Variants in DDX54 observed in about 807,000 individuals in gnomAD.
The protein encoded by DDX54 is ATP-dependent RNA helicase DDX54.
Under a neutral mutation model 105.5 loss-of-function variants are expected in DDX54, and 67 were observed. That is an observed-to-expected ratio of 0.64 (90% confidence interval 0.52 to 0.78). DDX54 has a LOEUF of 0.78. DDX54 is among the 30% of genes least tolerant of loss of function. The pLI, the probability that DDX54 is intolerant of heterozygous loss-of-function variation, is 0.00. For missense variants in DDX54, 1,206 were observed against 1,230.5 expected (o/e 0.98, Z 0.30); for synonymous variants, 514 against 509.9 (o/e 1.01, Z -0.11).
rs1268094255 is a variant in DDX54 at position 113,173,591 on chromosome 12, G to A, written c.1069-1028C>T. ...TTTGACCCAGGCGGGGGTCACACAG[G>A]CATAACACATATGAAAAAAATCTTT... On this transcript the variant is annotated intron_variant, in intron 10 of 19. Coordinates refer to ENST00000306014, the MANE Select transcript of DDX54 (RefSeq NM_024072.4). Among the ~76,000 whole-genome samples, 3 of 152,092 alleles carry A rather than the reference G, an allele frequency of 2.0e-5. No homozygotes were observed. The East Asian group carries it at 5.8e-4, about 29-fold the overall frequency.
At chr12:113,168,667 A>G (rs903845150) in intron 12 of DDX54, among the ~76,000 whole-genome samples, 2 of 152,232 alleles carry the variant, frequency 1.3e-5, no homozygotes, top group African/African-American at 2.4e-5. Context: ...ACAGTGGCTC[A>G]CGCCTGTAAT....
chr12:113,172,710 T>C lies in DDX54; in HGVS notation c.1069-147A>G, dbSNP rs140283462. 1,104 of 972,736 alleles carry C rather than the reference T, an allele frequency of 1.1e-3. 9 individuals are homozygous for C. In the African/African-American group the frequency reaches 0.014, roughly 13 times the overall value. The allele number at this position is 972,736 out of a possible 1,614,324, so 60.3% of individuals were successfully genotyped here. ...TGGCACCCTTGGTCTGAATCCCAGCTTGCTGGGTGATGCCAGTTTGGGGAG... is the reference window on the plus strand; with the variant it reads ...TGGCACCCTTGGTCTGAATCCCAGCCTGCTGGGTGATGCCAGTTTGGGGAG... On this transcript the variant is annotated intron_variant, in intron 10 of 19. Coordinates refer to ENST00000306014, the MANE Select transcript of DDX54 (RefSeq NM_024072.4).
At chr12:113,181,589 G>A (rs1952469005) in intron 1 of DDX54, among the ~76,000 whole-genome samples, 1 of 151,844 alleles carries the variant, frequency 6.6e-6, no homozygotes, top group Non-Finnish European at 1.5e-5. Flanking sequence ...GGGATTACAG[G>A]CATGAACCAC....
At chr12:113,162,217 G>A (rs1370509097) in intron 17 of DDX54, among the ~76,000 whole-genome samples, 1 of 152,086 alleles carries the variant, frequency 6.6e-6, no homozygotes, top group Non-Finnish European at 1.5e-5. Context: ...AGGGAGTGCG[G>A]AGGTCAGAGG....
rs545528023 is a variant in DDX54 at position 113,165,918 on chromosome 12, C to T, written c.1529G>A (p.Arg510His). The T allele has an allele frequency of 2.0e-5, 33 of 1,613,670 alleles. No individual in the cohort carries two copies. The highest frequency in any genetic ancestry group is 3.3e-5 in the South Asian group (3 of 91,090). The change falls in exon 13 of 20, where the codon CGC becomes CAC. Residue 510 changes from arginine to histidine, a missense_variant. Around this residue, in one of 3 missense-constraint regions of DDX54, gnomAD observed 961 missense variants for 1,019.1 expected, o/e 0.94. Transcript: ENST00000306014. ...EASLELRGLARVADNAQQQYV... is the reference protein window; with the variant it reads ...EASLELRGLAHVADNAQQQYV... The stretch of plus-strand genomic sequence containing the variant: ...CTGCTGCTGGGCGTTATCAGCAACG[C>T]GGGCCAGGCCCCGTAGCTCCAGCGA...
intron 1 of DDX54, among the ~76,000 whole-genome samples, chr12:113,182,943 G>C (rs1277344582): frequency 6.9e-6 from 1 of 145,366 alleles, no homozygotes; most frequent in South Asian, 2.2e-4. Context: ...GGGCAATCAC[G>C]GCTCACCTAG....
At chr12:113,164,737 CAG>C (rs963914982) in intron 14 of DDX54, among the ~76,000 whole-genome samples, 8 of 148,396 alleles carry the variant, frequency 5.4e-5, no homozygotes, top group Admixed American at 2.0e-4. Context: ...AACAAAAACA[CAG>C]AGAGACCCAG....
In DDX54 at chr12:113,172,404, C is replaced by T. The variant is rs756518061; in HGVS notation, c.1228G>A (p.Val410Ile). Reference protein sequence around the residue: ...RGLDIPLLDNVINYSFPAKGK... With the variant: ...RGLDIPLLDNIINYSFPAKGK... ...TTGGCGGGGAAGCTGTAGTTGATGA[C>T]ATTGTCCAGCAGCGGGATGTCCAGG... Residue 410 changes from valine (V) to isoleucine (I), a missense_variant, in exon 11 of 20, where the codon GTC (valine) becomes ATC (isoleucine). Around this residue, in one of 3 missense-constraint regions of DDX54, gnomAD observed 961 missense variants for 1,019.1 expected, o/e 0.94. Coordinates refer to ENST00000306014, the MANE Select transcript of DDX54 (RefSeq NM_024072.4). 7.4e-6 allele frequency: 12 copies of T among 1,614,128 alleles called. No individual in the cohort carries two copies. In the Middle Eastern group the frequency reaches 4.9e-4, roughly 66 times the overall value.
rs554993212 is a variant in DDX54 at position 113,162,004 on chromosome 12, G to A, written c.2196-7C>T. ...CCGCTTCTTCTTACGGTCCCTGCAGGAGAGGGAGTTGGGACGGCTGCCGTG... is the reference window on the plus strand; with the variant it reads ...CCGCTTCTTCTTACGGTCCCTGCAGAAGAGGGAGTTGGGACGGCTGCCGTG... On this transcript the variant is annotated splice_region_variant and splice_polypyrimidine_tract_variant and intron_variant, in intron 17 of 19. Transcript: ENST00000306014. The A allele has an allele frequency of 6.2e-7, 1 of 1,612,324 alleles. No homozygotes were observed. Among genetic ancestry groups the A allele is most frequent in the Non-Finnish European group, 8.5e-7 (1 of 1,179,782 alleles).
Position 113,161,376 on chromosome 12 carries a change from C to G in DDX54, c.2307G>C (p.Gln769His), listed in dbSNP as rs1271090120. ...ISSSYKRDLY[Q>H]KWKQKQKIDD... is the part of the protein sequence containing the mutation. ...CAATTTTCTGTTTCTGTTTCCACTT[C>G]TGATAGCTGGGAAACCTCGTTAAGG... Residue 769 changes from glutamine (Q) to histidine (H), a missense_variant, in exon 19 of 20, where the codon CAG becomes CAC. Around this residue, in one of 3 missense-constraint regions of DDX54, gnomAD observed 961 missense variants for 1,019.1 expected, o/e 0.94. Coordinates refer to ENST00000306014, the MANE Select transcript of DDX54 (RefSeq NM_024072.4). 1.9e-6 allele frequency: 3 copies of G among 1,612,174 alleles called. No individual in the cohort carries two copies. In the African/African-American group the frequency reaches 4.0e-5, roughly 22 times the overall value.
chr12:113,159,759 CG>C (rs1952182141), intron 19 of DDX54, among the ~76,000 whole-genome samples: 1 of 152,156 alleles, frequency 6.6e-6, no homozygotes, highest in Non-Finnish European at 1.5e-5. Flanking sequence ...CAGAGGTCAG[CG>C]ACCCTGCCCC....
Position 113,161,398 on chromosome 12 carries a change from A to C in DDX54, c.2301-16T>G. ...CTTCTGATAGCTGGGAAACCTCGTT[A>C]AGGAAGCTGCGTGAAGCCCCTGGGA... On this transcript the variant is annotated splice_polypyrimidine_tract_variant and intron_variant, in intron 18 of 19. Transcript: ENST00000306014. 6.2e-7 allele frequency: 1 copy of C among 1,603,874 alleles called. No homozygotes were observed.
In DDX54 at chr12:113,157,706, G is replaced by C. The variant is rs1451713220; in HGVS notation, c.*1171C>G. On this transcript the variant is annotated 3_prime_UTR_variant, in exon 20 of 20. Transcript: ENST00000306014. ...CCTGACACAGGTGAGCAGCGGGAGAGGGAACCCCTGAGAGACCCTGAGATA... is the reference window on the plus strand; with the variant it reads ...CCTGACACAGGTGAGCAGCGGGAGACGGAACCCCTGAGAGACCCTGAGATA... 4 of 1,540,652 alleles carry C rather than the reference G, an allele frequency of 2.6e-6. No individual in the cohort carries two copies. The highest frequency in any genetic ancestry group is 1.4e-5 in the African/African-American group (1 of 72,888).
In DDX54 at chr12:113,157,662, G is replaced by A; in HGVS notation, c.*1215C>T. ...GGCCGGCCTGGGTCAGGCTGAGCCT[G>A]CAGCCCCTGCCTCCTAGCCCTGACA... On this transcript the variant is annotated 3_prime_UTR_variant, in exon 20 of 20. Coordinates refer to ENST00000306014, the MANE Select transcript of DDX54 (RefSeq NM_024072.4). The A allele has an allele frequency of 6.4e-7, 1 of 1,551,522 alleles. No individual in the cohort carries two copies. Among genetic ancestry groups the A allele is most frequent in the Non-Finnish European group, 8.7e-7 (1 of 1,146,974 alleles).
chr12:113,185,252 C>A, intron 1 of DDX54, 26 bp downstream of exon 1: 1 of 1,491,468 alleles, frequency 6.7e-7, no homozygotes. Context: ...CGGGCCCGAA[C>A]ATGCGTCCCA....
Position 113,176,947 on chromosome 12 carries a change from T to C in DDX54, c.657-12A>G. 6.2e-7 allele frequency: 1 copy of C among 1,614,082 alleles called. No homozygotes were observed. Among genetic ancestry groups the C allele is most frequent in the Non-Finnish European group, 8.5e-7 (1 of 1,179,990 alleles). ...GCGTGGCAATAATTCTGGAAGAGGG[T>C]GCACAGGCCAGGTGACCCCAGGGCC... is the stretch of plus-strand genomic sequence containing the variant. On this transcript the variant is annotated splice_polypyrimidine_tract_variant and intron_variant, in intron 6 of 19. Coordinates refer to ENST00000306014, the MANE Select transcript of DDX54 (RefSeq NM_024072.4).
Position 113,185,468 on chromosome 12 carries a change from G to A in DDX54, c.-17C>T, listed in dbSNP as rs908144887. Reference sequence around the variant, plus strand: ...GGCCGCCATTCGGGCCGCGCGCTGGGAACGCAGAAGGGGGCGTGGCCTGAG... The same window carrying A: ...GGCCGCCATTCGGGCCGCGCGCTGGAAACGCAGAAGGGGGCGTGGCCTGAG... On this transcript the variant is annotated 5_prime_UTR_variant, in exon 1 of 20. Coordinates refer to ENST00000306014, the MANE Select transcript of DDX54 (RefSeq NM_024072.4). 2 of 1,491,340 alleles carry A rather than the reference G, an allele frequency of 1.3e-6. No homozygotes were observed. Among genetic ancestry groups the A allele is most frequent in the East Asian group, 5.3e-5 (2 of 38,060 alleles). The allele number at this position is 1,491,340 out of a possible 1,614,324, so 92.4% of individuals were successfully genotyped here. A position where few individuals can be genotyped will look rare whatever the true frequency, so the allele number is the denominator to read the frequency against.
rs1952231570 is a variant in DDX54, at chr12:113,163,197, C to T, written c.2016G>A (p.Glu672=). ...PNRGAKRRRE[E]ARQRDQEFYI... is the part of the protein sequence containing the mutation. ...AGAATTCCTGGTCCCGCTGCCGGGCCTCCTCCCTCCGCCTCTTGGCTCCCC... is the reference window on the plus strand; with the variant it reads ...AGAATTCCTGGTCCCGCTGCCGGGCTTCCTCCCTCCGCCTCTTGGCTCCCC... The change falls in exon 16 of 20, where the codon GAG becomes GAA. Residue 672 remains glutamate, a synonymous_variant. Coordinates refer to ENST00000306014, the MANE Select transcript of DDX54 (RefSeq NM_024072.4). The surrounding 1 kb of genome is among the most constrained non-coding windows in gnomAD (Gnocchi z 5.9). 6.2e-7 allele frequency: 1 copy of T among 1,612,464 alleles called. No homozygotes were observed. The highest frequency in any genetic ancestry group is 8.5e-7 in the Non-Finnish European group (1 of 1,180,004).
intron 1 of DDX54, among the ~76,000 whole-genome samples, chr12:113,182,580 G>C (rs1952479143): frequency 6.7e-6 from 1 of 149,920 alleles, no homozygotes; most frequent in Non-Finnish European, 1.5e-5. Context: ...TTTTTTTTGA[G>C]ACAGTCTCGT....
Sources: allele counts gnomAD v4.1 joint callset (sites outside exome capture counted in the v4.1 genomes callset), GRCh38; gene constraint gnomAD v4.1.1; regional missense constraint gnomAD v4.1.1; non-coding constraint Gnocchi (gnomAD v3.1); transcripts MANE v1.5; gene names NCBI Gene and HGNC (gene_info 2026-07-23, HGNC 2026-07-21).